Variants in LINGO2 observed in about 807,000 individuals in gnomAD.
LINGO2 encodes leucine rich repeat and Ig domain containing 2.
Under a neutral mutation model 30.6 loss-of-function variants are expected in LINGO2, and 14 were observed. That is an observed-to-expected ratio of 0.46 (90% confidence interval 0.30 to 0.72). The LOEUF is 0.72. Among genes scored for constraint, LINGO2 ranks in the 30% least tolerant of loss-of-function variants. LINGO2 has a pLI of 0.07. For synonymous variants in LINGO2, 317 were observed against 288.5 expected (o/e 1.10, Z -1.00); for missense variants, 729 against 751.7 (o/e 0.97, Z 0.35).
At chr9:29,161,938 G>A in the LINGO2 span, among the ~76,000 whole-genome samples, 1 of 120,172 alleles carries the variant, frequency 8.3e-6, no homozygotes, top group Non-Finnish European at 1.8e-5. Context: ...TTTTTTTTTT[G>A]AGACAGAGTC....
the LINGO2 span, among the ~76,000 whole-genome samples, chr9:28,771,492 T>C: frequency 8.6e-5 from 11 of 127,440 alleles, no homozygotes; most frequent in African/African-American, 1.5e-4. Context: ...TGTGTGTGTG[T>C]GTGTGTGTGT....
the LINGO2 span, among the ~76,000 whole-genome samples, chr9:29,041,822 G>A: frequency 1.3e-5 from 2 of 151,918 alleles, no homozygotes; most frequent in Non-Finnish European, 2.9e-5. Context: ...AATTAAAAAT[G>A]TTTTCTCTGC....
intron 4 of LINGO2, among the ~76,000 whole-genome samples, chr9:28,294,785 G>C (rs993277846): frequency 6.6e-6 from 1 of 152,138 alleles, no homozygotes; most frequent in Admixed American, 6.6e-5. Context: ...CTGAATTGGA[G>C]TAACCTTGAA....
intron 2 of LINGO2, among the ~76,000 whole-genome samples, chr9:28,441,252 T>C (rs1028971029): frequency 2.6e-4 from 7 of 26,624 alleles, no homozygotes; most frequent in African/African-American, 9.2e-4. Flanking sequence ...CATTGGAGGC[T>C]TTTTTTTTTT....
the LINGO2 span, among the ~76,000 whole-genome samples, chr9:28,806,998 TATTATTATTATTTTTATAATTATC>T: frequency 6.6e-6 from 1 of 150,962 alleles, no homozygotes; most frequent in African/African-American, 2.4e-5. Context: ...TGAAAAACAT[TATTATTATTATTTTTATAATTATC>T]ATTATTATTA....
chr9:28,448,168 G>C (rs1824503668), intron 2 of LINGO2, among the ~76,000 whole-genome samples: 1 of 152,000 alleles, frequency 6.6e-6, no homozygotes, highest in African/African-American at 2.4e-5. Flanking sequence ...ATAGAATAAA[G>C]GACAAATAAA....
rs754184431 is a variant in LINGO2, at chr9:28,507,221, G to GTGTGTT, written c.-364-31197_-364-31196insAACACA. Among the ~76,000 whole-genome samples the GTGTGTT allele has an allele frequency of 2.3e-3, 263 of 113,428 alleles. 2 individuals carry two copies. Among genetic ancestry groups the GTGTGTT allele is most frequent in the African/African-American group, 7.0e-3 (251 of 35,640 alleles). The allele number at this position is 113,428 out of a possible 152,430, so 74.4% of individuals were successfully genotyped here. A position where few individuals can be genotyped will look rare whatever the true frequency, so the allele number is the denominator to read the frequency against. On this transcript the variant is annotated intron_variant, in intron 1 of 5. Transcript: ENST00000379992. Reference sequence around the variant, plus strand: ...TACTGCATTTCAGAGGAGTGTGTGTGTGTGTGTGTGTGTGTGCGTGCGTGC... The same window carrying GTGTGTT: ...TACTGCATTTCAGAGGAGTGTGTGTGTGTGTTTGTGTGTGTGTGTGTGCGTGCGTGC...
chr9:28,781,506 T>C, the LINGO2 span, among the ~76,000 whole-genome samples: 1,063 of 152,266 alleles, frequency 7.0e-3, 14 homozygotes, highest in Middle Eastern at 0.027. Context: ...AGCTCTACAA[T>C]TGGCACTATT....
chr9:28,005,129 C>T (rs1296186095), intron 5 of LINGO2, among the ~76,000 whole-genome samples: 1 of 152,144 alleles, frequency 6.6e-6, no homozygotes, highest in Non-Finnish European at 1.5e-5. Context: ...CTAGCTTTCC[C>T]AGTAACACAT....
chr9:28,915,842 G>A, the LINGO2 span, among the ~76,000 whole-genome samples: 1,239 of 152,252 alleles, frequency 8.1e-3, 11 homozygotes, highest in African/African-American at 0.028. Context: ...AGAAGTATAA[G>A]CATGGTAATC....
At chr9:28,096,581 A>G (rs1481686754) in intron 4 of LINGO2, among the ~76,000 whole-genome samples, 1 of 152,090 alleles carries the variant, frequency 6.6e-6, no homozygotes, top group Non-Finnish European at 1.5e-5. Context: ...AGACAGAGAG[A>G]CAGCACTAAT....
the LINGO2 span, among the ~76,000 whole-genome samples, chr9:28,973,365 G>A: frequency 6.0e-4 from 92 of 152,266 alleles, 1 homozygote; most frequent in African/African-American, 2.2e-3. Context: ...TTACATGCCA[G>A]GAGAGAGTGG....
chr9:28,444,938 C>T (rs1035621969), intron 2 of LINGO2, among the ~76,000 whole-genome samples: 5 of 152,174 alleles, frequency 3.3e-5, no homozygotes, highest in Non-Finnish European at 7.4e-5. Flanking sequence ...CCAGTGAAAG[C>T]AAGCCATACT....
chr9:28,199,344 CTTT>C (rs757957924), intron 4 of LINGO2, among the ~76,000 whole-genome samples: 2 of 117,674 alleles, frequency 1.7e-5, no homozygotes, highest in Admixed American at 8.9e-5. Context: ...TCTTCTTCTT[CTTT>C]TTTTTTTTTT....
intron 1 of LINGO2, among the ~76,000 whole-genome samples, chr9:28,619,308 G>C (rs1193538583): frequency 6.6e-6 from 1 of 152,054 alleles, no homozygotes; most frequent in Non-Finnish European, 1.5e-5. Flanking sequence ...TGTATCAGAA[G>C]AAACCTGAAA....
chr9:28,452,747 G>T (rs1824697445), intron 2 of LINGO2, among the ~76,000 whole-genome samples: 1 of 151,794 alleles, frequency 6.6e-6, no homozygotes, highest in Non-Finnish European at 1.5e-5. Flanking sequence ...GTAGAAATTT[G>T]CTAGATCCAA....
intron 3 of LINGO2, among the ~76,000 whole-genome samples, chr9:28,336,214 A>T (rs1458766476): frequency 6.6e-6 from 1 of 152,068 alleles, no homozygotes; most frequent in Non-Finnish European, 1.5e-5. Flanking sequence ...TCTCATTTGT[A>T]TATATTCTTT....
At chr9:28,665,280 T>G (rs1318472681) in intron 1 of LINGO2, among the ~76,000 whole-genome samples, 1 of 151,934 alleles carries the variant, frequency 6.6e-6, no homozygotes, top group Non-Finnish European at 1.5e-5. Flanking sequence ...ATAAAAGATA[T>G]GGGTTCCATA....
chr9:29,019,998 T>C, the LINGO2 span, among the ~76,000 whole-genome samples: 2 of 152,122 alleles, frequency 1.3e-5, no homozygotes, highest in Non-Finnish European at 2.9e-5. Context: ...ATAAAAGGAA[T>C]AATAAAATTT....
Sources: gnomAD v4.1 joint callset for allele counts (sites outside exome capture counted in the v4.1 genomes callset) on GRCh38, gnomAD v4.1.1 for gene constraint, MANE v1.5 for transcripts, NCBI Gene and HGNC (gene_info 2026-07-23, HGNC 2026-07-21) for gene names.